The following ANKS1B variants were observed in gnomAD, a reference collection of about 807,000 sequenced individuals.
ANKS1B encodes ankyrin repeat and sterile alpha motif domain containing 1B.
In ANKS1B, 36 loss-of-function variants were observed where a neutral mutation model predicts 148.3. That is an observed-to-expected ratio of 0.24 (90% CI 0.19 to 0.32). The LOEUF (loss-of-function observed/expected upper bound fraction) is 0.32. ANKS1B is among the 10% of genes least tolerant of loss of function. The pLI is 1.00. For missense variants in ANKS1B, 1,157 were observed against 1,542.6 expected, an observed-to-expected ratio of 0.75 and a Z score of 4.19; for synonymous variants, 542 against 560.8, an observed-to-expected ratio of 0.97 and a Z score of 0.47.
chr12:99,828,616 TATC>T (rs1261219510), intron 1 of ANKS1B, among the ~76,000 whole-genome samples: 1 of 152,104 alleles, frequency 6.6e-6, no homozygotes, highest in Non-Finnish European at 1.5e-5. Flanking sequence ...CAAAAACAGT[TATC>T]ATTAATATCA....
intron 9 of ANKS1B, among the ~76,000 whole-genome samples, chr12:99,613,197 T>C (rs1170863881): frequency 6.6e-6 from 1 of 152,066 alleles, no homozygotes; most frequent in Non-Finnish European, 1.5e-5. Context: ...GTCAAAAAAA[T>C]AACAGACGCT....
In ANKS1B at chr12:99,088,695, C is replaced by A. The variant is rs528468204; in HGVS notation, c.2527-3672G>T. On this transcript the variant is annotated intron_variant, in intron 15 of 26. Transcript: ENST00000683438. ...AAACAAAATGTTTCAAACCTTATAA[C>A]TATCTAACCATTTCTTTGGCACCTG... is the stretch of plus-strand genomic sequence containing the variant. 5.9e-5 allele frequency among the ~76,000 whole-genome samples: 9 copies of A among 152,198 alleles called. No individual in the cohort carries two copies. In the East Asian group the frequency reaches 1.7e-3, roughly 29 times the overall value.
intron 9 of ANKS1B, among the ~76,000 whole-genome samples, chr12:99,611,805 G>A (rs559607443): frequency 2.0e-5 from 3 of 152,180 alleles, no homozygotes; most frequent in Admixed American, 1.3e-4. Flanking sequence ...GAGGAGCTAT[G>A]CGTCATACCT....
intron 9 of ANKS1B, among the ~76,000 whole-genome samples, chr12:99,575,867 A>G (rs2097513709): frequency 6.6e-6 from 1 of 152,148 alleles, no homozygotes; most frequent in Non-Finnish European, 1.5e-5. Context: ...CAACCAGGTA[A>G]AAACACAATG....
At chr12:99,846,918 T>G (rs1390370616) in intron 1 of ANKS1B, among the ~76,000 whole-genome samples, 1 of 151,982 alleles carries the variant, frequency 6.6e-6, no homozygotes, top group Non-Finnish European at 1.5e-5. Context: ...CTCCCATAGG[T>G]GTAGAAGAAA....
intron 17 of ANKS1B, among the ~76,000 whole-genome samples, chr12:98,932,141 A>C (rs912565111): frequency 2.0e-5 from 3 of 152,144 alleles, no homozygotes; most frequent in Non-Finnish European, 2.9e-5. Context: ...GGAAACACAA[A>C]CTAACACAAC....
chr12:99,901,331 G>A (rs1243049755), intron 1 of ANKS1B, among the ~76,000 whole-genome samples: 1 of 152,176 alleles, frequency 6.6e-6, no homozygotes, highest in African/African-American at 2.4e-5. Context: ...GTCAGCCTGT[G>A]CTGCCAGACT....
chr12:99,052,886 G>GA (rs897090985), intron 17 of ANKS1B, among the ~76,000 whole-genome samples: 2 of 151,774 alleles, frequency 1.3e-5, no homozygotes. Context: ...TCCTATAACT[G>GA]AAAAAATTTC....
chr12:99,726,186 C>G (rs534312618), intron 8 of ANKS1B, among the ~76,000 whole-genome samples: 110 of 152,102 alleles, frequency 7.2e-4, no homozygotes, highest in Non-Finnish European at 1.3e-3. Flanking sequence ...TCAAAAAAAT[C>G]AATAAATCCA....
intron 1 of ANKS1B, among the ~76,000 whole-genome samples, chr12:99,963,517 G>A (rs11835142): frequency 1.3e-5 from 2 of 152,130 alleles, no homozygotes; most frequent in African/African-American, 4.8e-5. Context: ...AAAGCTGAAT[G>A]ATCTTTTAAA....
At chr12:99,543,463 C>T (rs561245013) in intron 9 of ANKS1B, among the ~76,000 whole-genome samples, 1 of 152,172 alleles carries the variant, frequency 6.6e-6, no homozygotes, top group South Asian at 2.1e-4. Context: ...CAATATTCTA[C>T]CTCTAGTTAT....
intron 17 of ANKS1B, among the ~76,000 whole-genome samples, chr12:98,840,056 T>C (rs1005599403): frequency 1.3e-5 from 2 of 152,158 alleles, no homozygotes; most frequent in East Asian, 3.8e-4. Flanking sequence ...CTCTAAGATC[T>C]CAACTCAAAC....
At chr12:99,956,203 G>A (rs1331570664) in intron 1 of ANKS1B, among the ~76,000 whole-genome samples, 1 of 151,154 alleles carries the variant, frequency 6.6e-6, no homozygotes, top group Non-Finnish European at 1.5e-5. Context: ...ACTTGAACCT[G>A]TGAGGCAGAG....
At chr12:98,908,488 G>C (rs1294023099) in intron 17 of ANKS1B, among the ~76,000 whole-genome samples, 1 of 152,142 alleles carries the variant, frequency 6.6e-6, no homozygotes, top group Non-Finnish European at 1.5e-5. Context: ...ACTTCTCTGA[G>C]TTTTAGTTTC....
At chr12:98,996,330 A>G (rs563376294) in intron 17 of ANKS1B, among the ~76,000 whole-genome samples, 1 of 152,300 alleles carries the variant, frequency 6.6e-6, no homozygotes, top group East Asian at 1.9e-4. Context: ...GGAAGATGAA[A>G]AGATTTGCTT....
At chr12:99,519,341 A>T (rs2153054206) in intron 9 of ANKS1B, among the ~76,000 whole-genome samples, 1 of 152,216 alleles carries the variant, frequency 6.6e-6, no homozygotes, top group East Asian at 1.9e-4. Flanking sequence ...CTATTATTGT[A>T]TTAAGGCCTA....
At chr12:99,457,603 C>T (rs151091616) in intron 10 of ANKS1B, among the ~76,000 whole-genome samples, 3 of 152,008 alleles carry the variant, frequency 2.0e-5, no homozygotes, top group Admixed American at 6.6e-5. Context: ...TGCAAATAGA[C>T]ACCAAAAGCA....
chr12:99,620,070 T>C (rs2098027043), intron 9 of ANKS1B, among the ~76,000 whole-genome samples: 1 of 152,156 alleles, frequency 6.6e-6, no homozygotes, highest in Non-Finnish European at 1.5e-5. Flanking sequence ...ATCTACTGGC[T>C]TGTAGGTTGA....
Position 98,809,437 on chromosome 12 carries a change from C to A in ANKS1B, c.3067-1519G>T, listed in dbSNP as rs193282879. Among the ~76,000 whole-genome samples the A allele has an allele frequency of 3.9e-5, 6 of 152,314 alleles. No individual in the cohort carries two copies. In the East Asian group the frequency reaches 1.2e-3, roughly 29 times the overall value. ...TTTACACAAATCACATCTTCTGCAA[C>A]TTTCACACACTTCTAGTGTTAATCT... is the stretch of plus-strand genomic sequence containing the variant. On this transcript the variant is annotated intron_variant, in intron 19 of 26. Coordinates refer to ENST00000683438, the MANE Select transcript of ANKS1B (RefSeq NM_001352186.2).
Sources: gnomAD v4.1 joint callset for allele counts (sites outside exome capture counted in the v4.1 genomes callset) on GRCh38, gnomAD v4.1.1 for gene constraint, MANE v1.5 for transcripts, NCBI Gene and HGNC (gene_info 2026-07-23, HGNC 2026-07-21) for gene names.